Variants in ANO1 observed in about 807,000 individuals in gnomAD.
ANO1 encodes the protein anoctamin-1.
Under a neutral mutation model 124.0 loss-of-function variants are expected in ANO1, and 59 were observed. The observed-to-expected ratio is 0.48, with a 90% confidence interval of 0.39 to 0.59. ANO1 has a LOEUF of 0.59. ANO1 is among the 20% of genes least tolerant of loss of function. The pLI is 0.00. For missense variants in ANO1, 1,059 were observed against 1,328.0 expected (o/e 0.80, Z 3.15); for synonymous variants, 529 against 532.0 (o/e 0.99, Z 0.08).
chr11:69,999,199 CA>C (rs1194201699), intron 1 of ANO1, among the ~76,000 whole-genome samples: 3 of 152,088 alleles, frequency 2.0e-5, no homozygotes, highest in African/African-American at 7.2e-5. Flanking sequence ...AGCTTACAAT[CA>C]TGGAGGAAGG....
At chr11:70,007,352 C>A (rs1404972166) in intron 1 of ANO1, among the ~76,000 whole-genome samples, 1 of 150,974 alleles carries the variant, frequency 6.6e-6, no homozygotes, top group Non-Finnish European at 1.5e-5. Context: ...TCTCAGCTCA[C>A]GGCAAGCTCC....
intron 1 of ANO1, among the ~76,000 whole-genome samples, chr11:70,005,092 G>T (rs1012657083): frequency 2.5e-4 from 34 of 138,314 alleles, no homozygotes; most frequent in East Asian, 2.2e-3. Flanking sequence ...CAGCCTGGGT[G>T]ACAGAGCGAG....
chr11:70,161,916 G>C (rs972716437), intron 18 of ANO1, among the ~76,000 whole-genome samples, 183 bp downstream of exon 18: 42 of 152,198 alleles, frequency 2.8e-4, no homozygotes, highest in African/African-American at 1.0e-3. Flanking sequence ...GGGACCCTGG[G>C]CAGCAGGGAG....
At chr11:69,997,541 C>A (rs904919853) in intron 1 of ANO1, among the ~76,000 whole-genome samples, 1 of 152,126 alleles carries the variant, frequency 6.6e-6, no homozygotes, top group Non-Finnish European at 1.5e-5. Context: ...ACTCTCCCCC[C>A]GTCCCAACGG....
intron 5 of ANO1, 149 bp from the exon 6 acceptor site, chr11:70,108,204 T>C (rs1295850262): frequency 1.5e-6 from 1 of 676,520 alleles, no homozygotes; most frequent in African/African-American, 1.8e-5. Context: ...CCTCCCTGAA[T>C]AAATGCCATT....
At chr11:70,162,889 G>A (rs150043261) in intron 18 of ANO1, among the ~76,000 whole-genome samples, 28 of 152,370 alleles carry the variant, frequency 1.8e-4, no homozygotes, top group African/African-American at 6.5e-4. Flanking sequence ...AAGGTCCCCA[G>A]AGTGCTTCTG....
At chr11:70,128,702 G>A (rs1442287711) in intron 10 of ANO1, among the ~76,000 whole-genome samples, 1 of 152,226 alleles carries the variant, frequency 6.6e-6, no homozygotes, top group African/African-American at 2.4e-5. Context: ...GCATGGAGCC[G>A]CCTGCTGCCC....
intron 1 of ANO1, among the ~76,000 whole-genome samples, chr11:70,010,462 C>T (rs782170896): frequency 5.9e-5 from 9 of 151,768 alleles, no homozygotes. Context: ...GAATCCACTC[C>T]TGTGACCGGG....
rs909083725 is a variant in ANO1, at chr11:70,182,536, C to G, written c.2438C>G (p.Pro813Arg). The change falls in exon 24 of 26, where the codon CCG (proline) becomes CGG (arginine). Residue 813 changes from proline to arginine, a missense_variant. By Grantham distance (103) the Pro-to-Arg change is moderately radical. Around this residue, in one of 2 missense-constraint regions of ANO1, gnomAD observed 809 missense variants for 1,094.9 expected, o/e 0.74. Transcript: ENST00000355303. ...FVISFTSDFIPRLVYLYMYSK... is the reference protein window; with the variant it reads ...FVISFTSDFIRRLVYLYMYSK... ...ATCTCCTTCACGTCTGACTTCATCC[C>G]GCGCCTGGTGTACCTCTACATGTAC... is the stretch of plus-strand genomic sequence containing the variant. 1 of 1,605,008 alleles carries G rather than the reference C, an allele frequency of 6.2e-7. No individual in the cohort carries two copies. Among genetic ancestry groups the G allele is most frequent in the Admixed American group, 1.7e-5 (1 of 58,690 alleles).
chr11:70,026,942 G>T (rs549763883), intron 1 of ANO1, among the ~76,000 whole-genome samples: 1 of 152,270 alleles, frequency 6.6e-6, no homozygotes, highest in East Asian at 1.9e-4. Context: ...TGCACTTGCT[G>T]CTGCCTCTTC....
At chr11:70,104,184 G>T (rs750620853) in intron 4 of ANO1, 34 bp downstream of exon 4, 13 of 1,588,550 alleles carry the variant, frequency 8.2e-6, no homozygotes, top group Non-Finnish European at 1.0e-5. Flanking sequence ...TCCCCAAAGG[G>T]TCCTGTGTGT....
intron 1 of ANO1, among the ~76,000 whole-genome samples, chr11:70,071,761 T>C (rs1555009329): frequency 6.6e-6 from 1 of 152,070 alleles, no homozygotes; most frequent in Non-Finnish European, 1.5e-5. Context: ...GTAGCTGGGA[T>C]TATAGGCACG....
chr11:70,026,225 A>G (rs1856904484), intron 1 of ANO1, among the ~76,000 whole-genome samples: 1 of 146,390 alleles, frequency 6.8e-6, no homozygotes, highest in East Asian at 2.1e-4. Flanking sequence ...GGTGATGATG[A>G]CAGTAATGAT....
intron 1 of ANO1, among the ~76,000 whole-genome samples, chr11:70,007,414 C>T (rs2120353900): frequency 6.6e-6 from 1 of 151,984 alleles, no homozygotes; most frequent in African/African-American, 2.4e-5. Context: ...GTAGCTGGGA[C>T]TACAAGTGCC....
chr11:70,085,392 C>T, intron 1 of ANO1: 1 of 1,492,492 alleles, frequency 6.7e-7, no homozygotes, highest in Non-Finnish European at 8.9e-7. Context: ...GACTTTGTCA[C>T]AGAGGGCAAG....
chr11:70,035,237 G>A (rs890191219), intron 1 of ANO1, among the ~76,000 whole-genome samples: 9 of 152,318 alleles, frequency 5.9e-5, no homozygotes, highest in Non-Finnish European at 1.0e-4. Flanking sequence ...AGCCCTCCAG[G>A]AGGATTGTGT....
chr11:70,110,025 T>G (rs578040668), intron 6 of ANO1, among the ~76,000 whole-genome samples: 3 of 151,842 alleles, frequency 2.0e-5, no homozygotes, highest in Non-Finnish European at 4.4e-5. Context: ...ATGAGCAGGG[T>G]GGGGCTAGCT....
chr11:70,115,221 A>G (rs1486540864), intron 7 of ANO1, among the ~76,000 whole-genome samples: 3 of 152,068 alleles, frequency 2.0e-5, no homozygotes, highest in African/African-American at 7.3e-5. Flanking sequence ...CCCACCTGGC[A>G]GGGGTTAGAA....
chr11:70,150,151 A>C (rs2047549123), intron 12 of ANO1, among the ~76,000 whole-genome samples: 1 of 152,052 alleles, frequency 6.6e-6, no homozygotes, highest in South Asian at 2.1e-4. Flanking sequence ...GTGGAGAGGA[A>C]ATGGACACTG....
Sources: allele counts gnomAD v4.1 joint callset (sites outside exome capture counted in the v4.1 genomes callset), GRCh38; gene constraint gnomAD v4.1.1; regional missense constraint gnomAD v4.1.1; transcripts MANE v1.5; gene names NCBI Gene and HGNC (gene_info 2026-07-23, HGNC 2026-07-21).